Variants in PALLD observed in about 807,000 individuals in gnomAD.
The protein encoded by PALLD is palladin, cytoskeletal associated protein, also known as palladin.
PALLD carries 61 observed loss-of-function variants against 123.5 expected under a neutral mutation model. That is an observed-to-expected ratio of 0.49 (90% CI 0.40 to 0.61). The LOEUF is 0.61. Among genes scored for constraint, PALLD ranks in the 20% least tolerant of loss-of-function variants. The pLI, the probability that PALLD is intolerant of heterozygous loss-of-function variation, is 0.00. For missense variants in PALLD, 1,273 were observed against 1,377.0 expected, an observed-to-expected ratio of 0.92 and a Z score of 1.20; for synonymous variants, 465 against 496.4, an observed-to-expected ratio of 0.94 and a Z score of 0.84.
At chr4:168,917,232 T>C (rs1760357202) in intron 17 of PALLD, among the ~76,000 whole-genome samples, 1 of 151,596 alleles carries the variant, frequency 6.6e-6, no homozygotes, top group South Asian at 2.1e-4. Context: ...GTATCTTTAG[T>C]ACAGACGGGG....
intron 3 of PALLD, 55 bp downstream of exon 3, chr4:168,668,423 T>A: frequency 7.1e-7 from 1 of 1,407,856 alleles, no homozygotes; most frequent in Non-Finnish European, 9.7e-7. Context: ...GTCTAATGAC[T>A]CCAGTATCTT....
intron 2 of PALLD, among the ~76,000 whole-genome samples, chr4:168,527,422 C>CAAAA (rs35555541): frequency 0.072 from 3,809 of 52,776 alleles, 413 homozygotes; most frequent in East Asian, 0.16. Flanking sequence ...AACTCCATCT[C>CAAAA]AAAAAAAAAA....
At chr4:168,505,241 T>A (rs766988865) in intron 1 of PALLD, among the ~76,000 whole-genome samples, 2 of 152,220 alleles carry the variant, frequency 1.3e-5, no homozygotes, top group Non-Finnish European at 2.9e-5. Flanking sequence ...TATTTTCTTT[T>A]TCAATGTGCA....
chr4:168,727,179 G>A (rs555260572), intron 10 of PALLD, among the ~76,000 whole-genome samples: 2 of 152,300 alleles, frequency 1.3e-5, no homozygotes. Flanking sequence ...TAGTGCTACA[G>A]TGAACATACT....
chr4:168,631,380 G>C (rs1001963894), intron 2 of PALLD, among the ~76,000 whole-genome samples: 36 of 152,234 alleles, frequency 2.4e-4, no homozygotes, highest in African/African-American at 8.7e-4. Flanking sequence ...TCAAACCACA[G>C]CTGAATGGGG....
At chr4:168,682,327 C>T (rs762947493) in intron 4 of PALLD, among the ~76,000 whole-genome samples, 4 of 152,084 alleles carry the variant, frequency 2.6e-5, no homozygotes, top group Non-Finnish European at 5.9e-5. Context: ...ATCAGTGATG[C>T]TTAAAGGATC....
At chr4:168,705,448 TA>T (rs1784134619) in intron 8 of PALLD, among the ~76,000 whole-genome samples, 1 of 152,194 alleles carries the variant, frequency 6.6e-6, no homozygotes. Flanking sequence ...CTCGACATCT[TA>T]AAACCTTTCC....
chr4:168,910,176 G>A (rs1235154597), intron 15 of PALLD, among the ~76,000 whole-genome samples: 1 of 150,510 alleles, frequency 6.6e-6, no homozygotes, highest in Non-Finnish European at 1.5e-5. Context: ...TGAAAACAGT[G>A]TAGAAATGTG....
chr4:168,501,928 A>G (rs1761448258), intron 1 of PALLD, among the ~76,000 whole-genome samples: 1 of 149,438 alleles, frequency 6.7e-6, no homozygotes, highest in Admixed American at 6.7e-5. Context: ...CAATAAAAGC[A>G]TAGTACAATT....
At chr4:168,609,984 A>T (rs992939703) in intron 2 of PALLD, among the ~76,000 whole-genome samples, 1 of 152,084 alleles carries the variant, frequency 6.6e-6, no homozygotes, top group Non-Finnish European at 1.5e-5. Flanking sequence ...CTACTTGCTA[A>T]TTCATTTTTT....
At chr4:168,562,484 C>A (rs370824295) in intron 2 of PALLD, among the ~76,000 whole-genome samples, 2 of 152,062 alleles carry the variant, frequency 1.3e-5, no homozygotes. Context: ...AATACATAAA[C>A]AAATAAGTAA....
chr4:168,915,758 T>C (rs1260084825), intron 16 of PALLD, 137 bp from the exon 17 acceptor site: 1 of 659,278 alleles, frequency 1.5e-6, no homozygotes, highest in Admixed American at 2.8e-5. Context: ...GATTTTTTAA[T>C]GTGTAAATCT....
intron 2 of PALLD, among the ~76,000 whole-genome samples, chr4:168,565,060 G>C (rs1580340125): frequency 6.6e-6 from 1 of 151,806 alleles, no homozygotes. Flanking sequence ...GGGCATGGTG[G>C]CACATGCCTG....
intron 10 of PALLD, among the ~76,000 whole-genome samples, chr4:168,856,734 GT>G (rs1296068062): frequency 6.6e-6 from 1 of 152,200 alleles, no homozygotes; most frequent in Non-Finnish European, 1.5e-5. Flanking sequence ...AAATAATAGA[GT>G]CTAAAATTTA....
intron 11 of PALLD, among the ~76,000 whole-genome samples, chr4:168,893,258 C>T (rs922805550): frequency 1.3e-5 from 2 of 152,126 alleles, no homozygotes; most frequent in Non-Finnish European, 2.9e-5. Flanking sequence ...AAATTGAATT[C>T]ACTGATTTTT....
chr4:168,761,645 G>GT (rs70961555), intron 10 of PALLD, among the ~76,000 whole-genome samples: 304 of 87,622 alleles, frequency 3.5e-3, no homozygotes, highest in East Asian at 6.5e-3. Context: ...GTTGTTGTTT[G>GT]TTTTTTTTTT....
chr4:168,847,906 G>A (rs1208421175), intron 10 of PALLD, among the ~76,000 whole-genome samples: 1 of 152,066 alleles, frequency 6.6e-6, no homozygotes, highest in African/African-American at 2.4e-5. Context: ...CTAAGTCCCA[G>A]GCATATTAAG....
intron 2 of PALLD, among the ~76,000 whole-genome samples, chr4:168,569,700 C>A (rs187231785): frequency 3.8e-4 from 58 of 152,250 alleles, no homozygotes; most frequent in African/African-American, 1.3e-3. Flanking sequence ...GGATTCTTGT[C>A]TGAGATGCAG....
At chr4:168,778,039 G>C (rs1413735759) in intron 10 of PALLD, among the ~76,000 whole-genome samples, 1 of 152,158 alleles carries the variant, frequency 6.6e-6, no homozygotes, top group African/African-American at 2.4e-5. Context: ...GATGAACTTT[G>C]TGAACTTTGT....
Sources: gnomAD v4.1 joint callset for allele counts (sites outside exome capture counted in the v4.1 genomes callset) on GRCh38, gnomAD v4.1.1 for gene constraint, MANE v1.5 for transcripts, NCBI Gene and HGNC (gene_info 2026-07-23, HGNC 2026-07-21) for gene names.